PIGN: variants seen among roughly 807,000 people sequenced by gnomAD.
PIGN encodes the protein phosphatidylinositol glycan anchor biosynthesis class N.
In PIGN, 117 loss-of-function variants were observed where a neutral mutation model predicts 125.4. The observed-to-expected ratio is 0.93, with a 90% CI of 0.80 to 1.09. The LOEUF is 1.09. Among genes scored for constraint, PIGN ranks in the 50% least tolerant of loss-of-function variants. PIGN has a pLI of 0.00. For missense variants in PIGN, 1,075 were observed against 1,094.9 expected (o/e 0.98, Z 0.26); for synonymous variants, 392 against 377.8 (o/e 1.04, Z -0.44).
chr18:62,176,583 T>C (rs1211137052), intron 1 of PIGN, among the ~76,000 whole-genome samples: 1 of 151,318 alleles, frequency 6.6e-6, no homozygotes, highest in African/African-American at 2.4e-5. Context: ...AGGCAAAACA[T>C]GGTAGTCTTG....
At chr18:62,070,740 T>C (rs1187379894) in intron 30 of PIGN, among the ~76,000 whole-genome samples, 3 of 152,156 alleles carry the variant, frequency 2.0e-5, no homozygotes, top group African/African-American at 7.2e-5. Flanking sequence ...ATCATTGAAA[T>C]TTAAATCACA....
chr18:62,161,292 T>C lies in PIGN; in HGVS notation c.62A>G (p.Asp21Gly), dbSNP rs1188898800. The C allele has an allele frequency of 8.1e-6, 13 of 1,613,742 alleles. No individual in the cohort carries two copies. The highest frequency in any genetic ancestry group is 1.1e-5 in the Non-Finnish European group (13 of 1,179,766). ...AACCAAAGGAGATGTAAAATAAATG[T>C]CAAAGATGGAGGCGAAGAACACAAA... ...IHFVFFASIF[D>G]IYFTSPLVHG... Residue 21 changes from aspartate to glycine, a missense_variant, in exon 4 of 31, where the codon GAC (aspartate) becomes GGC (glycine). By Grantham distance (94) the Asp-to-Gly change is moderately conservative. Coordinates refer to ENST00000640252, the MANE Select transcript of PIGN (RefSeq NM_176787.5).
chr18:62,071,909 T>TATATATATAA (rs2032896106), intron 30 of PIGN, among the ~76,000 whole-genome samples: 1 of 99,702 alleles, frequency 1.0e-5, no homozygotes, highest in Admixed American at 1.0e-4. Flanking sequence ...TATATATATA[T>TATATATATAA]AAATTTAACT....
chr18:62,137,770 A>T (rs1172301794), intron 14 of PIGN: 2 of 153,714 alleles, frequency 1.3e-5, no homozygotes, highest in Non-Finnish European at 2.9e-5. Flanking sequence ...AATCTTCACA[A>T]GCAACATACA....
chr18:62,100,358 A>G (rs2034387884), intron 22 of PIGN, among the ~76,000 whole-genome samples: 1 of 152,196 alleles, frequency 6.6e-6, no homozygotes, highest in African/African-American at 2.4e-5. Context: ...ACCTTTGTAC[A>G]TTGTTGGTGG....
chr18:62,034,270 G>C (rs1268551384), intron 23 of PIGN, among the ~76,000 whole-genome samples: 3 of 152,156 alleles, frequency 2.0e-5, no homozygotes, highest in Admixed American at 6.5e-5. Flanking sequence ...GTGAGACGTG[G>C]TCTCACTATG....
chr18:62,162,849 T>G (rs368826106), intron 2 of PIGN, among the ~76,000 whole-genome samples: 1 of 152,276 alleles, frequency 6.6e-6, no homozygotes, highest in African/African-American at 2.4e-5. Context: ...AAATTTTATG[T>G]TTTTTTACTA....
intron 14 of PIGN, among the ~76,000 whole-genome samples, chr18:62,115,919 C>G (rs1412492682): frequency 6.6e-6 from 1 of 151,952 alleles, no homozygotes; most frequent in Non-Finnish European, 1.5e-5. Context: ...TCGAGACCAG[C>G]TTGGGCAACA....
At chr18:62,091,447 A>G (rs1473573412) in intron 23 of PIGN, among the ~76,000 whole-genome samples, 1 of 152,236 alleles carries the variant, frequency 6.6e-6, no homozygotes, top group East Asian at 1.9e-4. Context: ...CTATGTATTA[A>G]GAATCTCAAA....
intron 23 of PIGN, among the ~76,000 whole-genome samples, chr18:62,024,715 CA>C (rs2030095301): frequency 6.6e-6 from 1 of 152,154 alleles, no homozygotes; most frequent in African/African-American, 2.4e-5. Flanking sequence ...TGACTGGGTA[CA>C]GTGGCTCACG....
downstream of PIGN, among the ~76,000 whole-genome samples, chr18:62,040,113 G>A (rs2030330540): frequency 1.1e-5 from 1 of 87,396 alleles, no homozygotes; most frequent in Non-Finnish European, 2.3e-5. Context: ...CCCCTTCCAG[G>A]GTGCCGCACC....
chr18:62,039,844 T>A (rs1234556807), downstream of PIGN, among the ~76,000 whole-genome samples: 19 of 44,192 alleles, frequency 4.3e-4, no homozygotes, highest in South Asian at 1.6e-3. Flanking sequence ...TTAGGGCCCC[T>A]TCCAGGGTGC....
intron 30 of PIGN, chr18:62,059,171 C>CAAAAAAA (rs56405290): frequency 4.4e-5 from 2 of 45,892 alleles, no homozygotes; most frequent in Non-Finnish European, 9.8e-5. Context: ...GACCCTGTCT[C>CAAAAAAA]AAAAAAAAAA....
chr18:62,075,155 C>T (rs1032920751), intron 28 of PIGN: 4 of 187,948 alleles, frequency 2.1e-5, no homozygotes, highest in African/African-American at 9.5e-5. Flanking sequence ...TACCCTTTAC[C>T]CAGTTTCCCC....
rs182737222 is a variant in PIGN, at chr18:62,108,611, G to A, written c.1574+1223C>T. Among the ~76,000 whole-genome samples the A allele has an allele frequency of 3.1e-3, 454 of 147,998 alleles. 1 individual carries two copies. The highest frequency in any genetic ancestry group is 7.0e-3 in the Middle Eastern group (2 of 284). The stretch of plus-strand genomic sequence containing the variant: ...TTTTTAAGTTAATTTTTTTTTTTGA[G>A]ACAGAGTCTCACTCTGTCGCTCAGG... On this transcript the variant is annotated intron_variant, in intron 17 of 30. Coordinates refer to ENST00000640252, the MANE Select transcript of PIGN (RefSeq NM_176787.5).
intron 1 of PIGN, among the ~76,000 whole-genome samples, chr18:62,184,349 A>C (rs2037821623): frequency 6.6e-6 from 1 of 152,228 alleles, no homozygotes; most frequent in African/African-American, 2.4e-5. Context: ...ATTAGTTGTA[A>C]GGGCCTAGAT....
chr18:62,153,745 C>CA (rs1323035731), intron 7 of PIGN: 1 of 151,824 alleles, frequency 6.6e-6, no homozygotes, highest in Non-Finnish European at 1.5e-5. Flanking sequence ...TTCTGCTAAG[C>CA]AAATACAAAG....
At chr18:62,085,614 C>T (rs1487421184) in intron 25 of PIGN, among the ~76,000 whole-genome samples, 1 of 152,092 alleles carries the variant, frequency 6.6e-6, no homozygotes, top group Non-Finnish European at 1.5e-5. Context: ...TAGATATTTT[C>T]AGCTGAGAGA....
At chr18:62,128,801 C>T (rs926782842) in intron 14 of PIGN, among the ~76,000 whole-genome samples, 4 of 151,974 alleles carry the variant, frequency 2.6e-5, no homozygotes, top group Non-Finnish European at 5.9e-5. Context: ...CATCTACTGT[C>T]CCTTAGCTAA....
Sources: allele counts gnomAD v4.1 joint callset (sites outside exome capture counted in the v4.1 genomes callset), GRCh38; gene constraint gnomAD v4.1.1; transcripts MANE v1.5; gene names NCBI Gene and HGNC (gene_info 2026-07-23, HGNC 2026-07-21).